NLRC5: variants seen among roughly 807,000 people sequenced by gnomAD.
NLRC5 encodes NLR family CARD domain containing 5, also known as protein NLRC5.
A neutral mutation model predicts 206.9 loss-of-function variants in NLRC5; 114 were observed. The ratio of observed to expected loss-of-function variants is 0.55; its 90% CI spans 0.47 to 0.64. The LOEUF is 0.64. Ranked by LOEUF, NLRC5 falls within the 30% of genes least tolerant of loss-of-function variation. The probability of loss-of-function intolerance (pLI) is 0.00; values close to 1 mark genes in which losing one functional copy is unlikely to be tolerated. For synonymous variants in NLRC5, 952 were observed against 962.8 expected, an observed-to-expected ratio of 0.99 and a Z score of 0.21; for missense variants, 2,008 against 2,305.5, an observed-to-expected ratio of 0.87 and a Z score of 2.64.
intron 17 of NLRC5, among the ~76,000 whole-genome samples, chr16:57,041,067 C>T (rs2063218776): frequency 6.6e-6 from 1 of 152,144 alleles, no homozygotes; most frequent in Non-Finnish European, 1.5e-5. Flanking sequence ...CCTGGGGGCT[C>T]CCATCAGCAC....
chr16:56,993,017 G>A (rs545572500), intron 1 of NLRC5, among the ~76,000 whole-genome samples: 10 of 147,612 alleles, frequency 6.8e-5, no homozygotes, highest in South Asian at 4.2e-4. Flanking sequence ...TGCCCTCCCC[G>A]AAGACAACCA....
At chr16:57,052,175 A>C (rs2065008267) in intron 24 of NLRC5, among the ~76,000 whole-genome samples, 2 of 152,334 alleles carry the variant, frequency 1.3e-5, no homozygotes, top group South Asian at 2.1e-4. Context: ...ACTGGTTAGA[A>C]TTTTAAAAGT....
chr16:57,076,876 G>A lies in NLRC5; in HGVS notation c.4809G>A (p.Arg1603=), dbSNP rs2068469237. ...GCTGCCACCTTTCTGAGGCTCTCAG[G>A]GCTGCCACCAGCCTAGAGGAGCTGG... ...VGCCHLSEAL[R]AATSLEELDL... Residue 1603 remains arginine, a synonymous_variant, in exon 40 of 49, where the codon AGG becomes AGA. Transcript: ENST00000688547. The A allele has an allele frequency of 6.2e-7, 1 of 1,614,040 alleles. No individual in the cohort carries two copies. Among genetic ancestry groups the A allele is most frequent in the Non-Finnish European group, 8.5e-7 (1 of 1,180,036 alleles).
intron 1 of NLRC5, among the ~76,000 whole-genome samples, chr16:57,014,549 C>T (rs1422416062): frequency 6.6e-6 from 1 of 152,186 alleles, no homozygotes; most frequent in Non-Finnish European, 1.5e-5. Context: ...ATAAATACTG[C>T]CTCTTTTCTC....
chr16:57,079,394 G>A, intron 45 of NLRC5, 102 bp downstream of exon 45: 1 of 1,424,460 alleles, frequency 7.0e-7, no homozygotes, highest in Non-Finnish European at 9.9e-7. Flanking sequence ...AGTGATAGAA[G>A]CCCCAGGGAT....
chr16:57,039,201 G>T (rs1245421701), intron 15 of NLRC5, among the ~76,000 whole-genome samples: 2 of 152,234 alleles, frequency 1.3e-5, no homozygotes, highest in African/African-American at 4.8e-5. Flanking sequence ...GACTAGCAGA[G>T]AGAGGGGTTT....
intron 1 of NLRC5, among the ~76,000 whole-genome samples, chr16:57,007,907 T>G (rs1179573857): frequency 6.6e-6 from 1 of 152,244 alleles, no homozygotes; most frequent in Non-Finnish European, 1.5e-5. Context: ...TAACCTTGTC[T>G]GTGATGCAGA....
At chr16:57,029,643 G>A (rs945643418) in intron 8 of NLRC5, 130 bp from the exon 9 acceptor site, 31 of 718,240 alleles carry the variant, frequency 4.3e-5, no homozygotes, top group Middle Eastern at 3.2e-4. Flanking sequence ...CCGGCGAGCA[G>A]GCCATCAGCT....
chr16:57,082,311 ACT>A, intron 48 of NLRC5, 104 bp from the exon 49 acceptor site: 2 of 834,680 alleles, frequency 2.4e-6, no homozygotes, highest in Non-Finnish European at 3.9e-6. Context: ...CTGCCAGGTA[ACT>A]CTAGGCACAG....
chr16:57,041,620 A>G (rs1225096371), intron 18 of NLRC5, 46 bp downstream of exon 18: 2 of 1,472,232 alleles, frequency 1.4e-6, no homozygotes, highest in Admixed American at 1.7e-5. Context: ...GGCCAATTAC[A>G]GTGAGTTAGT....
intron 23 of NLRC5, 126 bp downstream of exon 23, chr16:57,047,754 G>A: frequency 1.3e-6 from 1 of 794,018 alleles, no homozygotes; most frequent in Non-Finnish European, 2.1e-6. Flanking sequence ...CCTGCCCCAT[G>A]AGAGTCCCCT....
intron 2 of NLRC5, among the ~76,000 whole-genome samples, chr16:57,019,164 G>A (rs1413883640): frequency 1.3e-5 from 2 of 152,300 alleles, no homozygotes; most frequent in Middle Eastern, 3.4e-3. Flanking sequence ...GGAGGCCGAG[G>A]TGGGCAGATC....
chr16:57,069,927 G>A lies in NLRC5; in HGVS notation c.4583+8G>A. 1 of 1,566,652 alleles carries A rather than the reference G, an allele frequency of 6.4e-7. No individual in the cohort carries two copies. The highest frequency in any genetic ancestry group is 1.2e-5 in the South Asian group (1 of 85,450). On this transcript the variant is annotated splice_region_variant and intron_variant, in intron 37 of 48. Coordinates refer to ENST00000688547, the MANE Select transcript of NLRC5 (RefSeq NM_001384950.1). ...CCACTTGGAGGAGCTGGAGTGAGTTGCAGAGTGGAGGGATTGGGGACAAGT... is the reference window on the plus strand; with the variant it reads ...CCACTTGGAGGAGCTGGAGTGAGTTACAGAGTGGAGGGATTGGGGACAAGT...
intron 1 of NLRC5, among the ~76,000 whole-genome samples, chr16:57,014,976 T>C (rs1365101582): frequency 6.6e-6 from 1 of 151,714 alleles, no homozygotes; most frequent in Non-Finnish European, 1.5e-5. Flanking sequence ...TTGCCCAGAC[T>C]GGAGTGCGGT....
At chr16:57,013,041 T>C (rs1001684705) in intron 1 of NLRC5, 4 of 179,334 alleles carry the variant, frequency 2.2e-5, no homozygotes, top group Non-Finnish European at 3.7e-5. Flanking sequence ...TGATACAATT[T>C]TTGTTAATTT....
At chr16:57,004,335 G>A (rs1253542014) in intron 1 of NLRC5, among the ~76,000 whole-genome samples, 1 of 152,074 alleles carries the variant, frequency 6.6e-6, no homozygotes, top group African/African-American at 2.4e-5. Flanking sequence ...GGCTCGTCTC[G>A]CCAACTGTCT....
intron 36 of NLRC5, 117 bp downstream of exon 36, chr16:57,067,945 A>T: frequency 1.2e-6 from 1 of 801,314 alleles, no homozygotes; most frequent in Admixed American, 2.1e-5. Context: ...CTCTGTGGAC[A>T]CAAACCACAG....
chr16:57,080,786 A>G, intron 46 of NLRC5: 1 of 279,270 alleles, frequency 3.6e-6, no homozygotes, highest in East Asian at 7.7e-5. Flanking sequence ...TTTTTAAAGT[A>G]AGAAAAAAGA....
At chr16:57,031,907 C>T (rs1400949258) in intron 11 of NLRC5, among the ~76,000 whole-genome samples, 1 of 151,836 alleles carries the variant, frequency 6.6e-6, no homozygotes, top group African/African-American at 2.4e-5. Flanking sequence ...CAAATGCTGG[C>T]TATTCCAGCT....
Sources: allele counts gnomAD v4.1 joint callset (sites outside exome capture counted in the v4.1 genomes callset), GRCh38; gene constraint gnomAD v4.1.1; transcripts MANE v1.5; gene names NCBI Gene and HGNC (gene_info 2026-07-23, HGNC 2026-07-21).